The following NAA35 variants were observed in gnomAD, a reference collection of about 807,000 sequenced individuals.
The protein encoded by NAA35 is N-alpha-acetyltransferase 35, NatC auxiliary subunit.
NAA35 carries 18 observed loss-of-function variants against 101.7 expected under a neutral mutation model. The observed-to-expected ratio is 0.18, with a 90% CI of 0.12 to 0.26. The LOEUF (loss-of-function observed/expected upper bound fraction) is 0.26. NAA35 is among the 10% of genes least tolerant of loss of function. The pLI, the probability that NAA35 is intolerant of heterozygous loss-of-function variation, is 1.00. For missense variants in NAA35, 601 were observed against 886.8 expected (o/e 0.68, Z 4.09); for synonymous variants, 267 against 273.1 (o/e 0.98, Z 0.22).
chr9:85,941,612 C>T, intron 1 of NAA35: 3 of 986,264 alleles, frequency 3.0e-6, no homozygotes, highest in Non-Finnish European at 2.4e-6. Context: ...TCAGGTGTGC[C>T]TCGGCCCTAG....
chr9:85,941,525 CCTTG>C, intron 1 of NAA35: 5 of 985,726 alleles, frequency 5.1e-6, no homozygotes, highest in Non-Finnish European at 6.0e-6. Context: ...ACAGCTCTGT[CCTTG>C]CTTATGCGCC....
At chr9:85,973,878 G>GTT (rs967776331) in intron 6 of NAA35, among the ~76,000 whole-genome samples, 1 of 144,620 alleles carries the variant, frequency 6.9e-6, no homozygotes, top group African/African-American at 2.5e-5. Context: ...GATGCTCACT[G>GTT]TTTTTTTTTT....
intron 18 of NAA35, among the ~76,000 whole-genome samples, chr9:86,017,109 C>A (rs1378821695): frequency 1.3e-5 from 2 of 152,210 alleles, no homozygotes; most frequent in African/African-American, 4.8e-5. Context: ...AGGGACTGCC[C>A]TATTGATCAC....
At chr9:85,948,586 A>G (rs1407955791) in intron 2 of NAA35, among the ~76,000 whole-genome samples, 3 of 152,146 alleles carry the variant, frequency 2.0e-5, no homozygotes, top group Non-Finnish European at 4.4e-5. Flanking sequence ...GGGAGATAAA[A>G]TGTTTTGAGG....
intron 12 of NAA35, among the ~76,000 whole-genome samples, 169 bp from the exon 13 acceptor site, chr9:86,003,416 C>T (rs1831499257): frequency 6.6e-6 from 1 of 151,646 alleles, no homozygotes; most frequent in Non-Finnish European, 1.5e-5. Flanking sequence ...ATCCATTGTC[C>T]CTTTTATATA....
At chr9:85,961,192 C>T (rs1829498344) in intron 5 of NAA35, among the ~76,000 whole-genome samples, 1 of 152,168 alleles carries the variant, frequency 6.6e-6, no homozygotes, top group African/African-American at 2.4e-5. Context: ...AAATACACAC[C>T]TTAATTACAG....
intron 4 of NAA35, 108 bp from the exon 5 acceptor site, chr9:85,959,685 T>C (rs957229991): frequency 5.9e-6 from 4 of 673,954 alleles, no homozygotes; most frequent in African/African-American, 5.4e-5. Flanking sequence ...TTTCTTAGAA[T>C]TGCTGTTTTT....
chr9:86,022,095 T>A lies in NAA35; in HGVS notation c.*135T>A, dbSNP rs960971709. On this transcript the variant is annotated 3_prime_UTR_variant, in exon 23 of 23. Coordinates refer to ENST00000361671, the MANE Select transcript of NAA35 (RefSeq NM_024635.4). ...TAACAACTCATTATAAGGAATACTT[T>A]TAGTTTGACAGCCTTATATGACATG... 3.1e-6 allele frequency: 2 copies of A among 649,060 alleles called. No individual in the cohort carries two copies. The highest frequency in any genetic ancestry group is 5.2e-6 in the Non-Finnish European group (2 of 381,770). 40.2% of individuals were successfully genotyped at this position (649,060 alleles called of 1,614,324 possible).
intron 8 of NAA35, among the ~76,000 whole-genome samples, chr9:85,976,319 G>C (rs533559279): frequency 6.6e-6 from 1 of 152,234 alleles, no homozygotes; most frequent in South Asian, 2.1e-4. Context: ...TGTGATTTTT[G>C]TGAAGGTTAC....
At position 85,942,253 on chromosome 9, in the gene NAA35, A is replaced by G; in HGVS notation, c.94A>G (p.Ile32Val). 14 of 1,613,958 alleles carry G rather than the reference A, an allele frequency of 8.7e-6. No individual in the cohort carries two copies. Among genetic ancestry groups the G allele is most frequent in the Non-Finnish European group, 1.2e-5 (14 of 1,179,978 alleles). Residue 32 changes from isoleucine (I) to valine (V), a missense_variant, in exon 2 of 23, where the codon ATT becomes GTT. Ile to Val is a conservative substitution (Grantham distance 29). Around this residue, in one of 8 missense-constraint regions of NAA35, gnomAD observed 67 missense variants for 62.4 expected, o/e 1.07. Coordinates refer to ENST00000361671, the MANE Select transcript of NAA35 (RefSeq NM_024635.4). ...GAAAAGCAATACAAACTGGGTGGAC[A>G]TTACCCAAGATTTTGAAGAAGCTTG... ...MEKSNTNWVD[I>V]TQDFEEACRE...
rs1832731133 is a variant in NAA35, at chr9:86,025,154, C to T, written c.*3194C>T. 6.6e-6 allele frequency among the ~76,000 whole-genome samples: 1 copy of T among 152,142 alleles called. No homozygotes were observed. Among genetic ancestry groups the T allele is most frequent in the South Asian group, 2.1e-4 (1 of 4,824 alleles). ...AGAGGTGGGTGTTTTCCTTGTTCCT[C>T]TTTGGCTATGCTCTGGGCACTGGAA... is the stretch of plus-strand genomic sequence containing the variant. On this transcript the variant is annotated 3_prime_UTR_variant, in exon 23 of 23. Transcript: ENST00000361671.
Position 86,013,874 on chromosome 9 carries a change from G to A in NAA35, c.1545G>A (p.Met515Ile), listed in dbSNP as rs753649635. Reference protein sequence around the residue: ...LSGFELELYSMHEYYYIYWYL... With the variant: ...LSGFELELYSIHEYYYIYWYL... ...GCTTTGAATTGGAACTCTACAGTAT[G>A]CACGAGTACTATTACATATATTGGT... Residue 515 changes from methionine to isoleucine, a missense_variant, in exon 17 of 23, where the codon ATG becomes ATA. Physicochemically the swap from Met to Ile is conservative, Grantham distance 10. This residue lies in a region of NAA35 where 99 missense variants were observed against 206.7 expected (regional missense o/e 0.48). Coordinates refer to ENST00000361671, the MANE Select transcript of NAA35 (RefSeq NM_024635.4). The A allele has an allele frequency of 5.6e-6, 9 of 1,612,762 alleles. No individual in the cohort carries two copies. In the South Asian group the frequency reaches 9.9e-5, roughly 18 times the overall value.
Position 86,013,033 on chromosome 9 carries a change from A to G in NAA35, c.1291-13A>G, listed in dbSNP as rs373380797. 5 of 1,470,666 alleles carry G rather than the reference A, an allele frequency of 3.4e-6. No homozygotes were observed. The highest frequency in any genetic ancestry group is 2.3e-5 in the East Asian group (1 of 43,216). 91.1% of individuals were successfully genotyped at this position (1,470,666 alleles called of 1,614,324 possible). ...TTCATATTTACAGTTGACAAATTAT[A>G]TGTGTATTGCAGCCATTCTGTAGTC... is the stretch of plus-strand genomic sequence containing the variant. On this transcript the variant is annotated splice_polypyrimidine_tract_variant and intron_variant, in intron 15 of 22. Coordinates refer to ENST00000361671, the MANE Select transcript of NAA35 (RefSeq NM_024635.4).
Position 85,996,093 on chromosome 9 carries a change from C to T in NAA35, c.878-306C>T, listed in dbSNP as rs1445296300. Among the ~76,000 whole-genome samples the T allele has an allele frequency of 2.6e-5, 4 of 152,162 alleles. No homozygotes were observed. In the East Asian group the frequency reaches 7.7e-4, roughly 29 times the overall value. On this transcript the variant is annotated intron_variant, in intron 11 of 22. Transcript: ENST00000361671. ...ATTTCCTCTGTTTTGAAAGAATATA[C>T]TGACCCTATTTTATCCTCAGAGTTT...
chr9:86,016,396 T>TGTAAGATCTAATCTA, intron 17 of NAA35, 143 bp from the exon 18 acceptor site: 1 of 650,118 alleles, frequency 1.5e-6, no homozygotes, highest in East Asian at 3.0e-5. Flanking sequence ...GTTCATTTCT[T>TGTAAGATCTAATCTA]GTAAGATCTA....
At chr9:86,006,618 A>G (rs74878407) in intron 13 of NAA35, among the ~76,000 whole-genome samples, 1 of 152,338 alleles carries the variant, frequency 6.6e-6, no homozygotes, top group African/African-American at 2.4e-5. Context: ...AGAGCAGATC[A>G]GTGCTTGCCA....
chr9:86,008,813 T>C (rs1011396149), intron 14 of NAA35, among the ~76,000 whole-genome samples: 8 of 152,128 alleles, frequency 5.3e-5, no homozygotes, highest in Non-Finnish European at 1.2e-4. Context: ...GTTGATGAGT[T>C]TCTCTTTATT....
At chr9:85,941,430 C>T in intron 1 of NAA35, 157 bp downstream of exon 1, 1 of 985,380 alleles carries the variant, frequency 1.0e-6, no homozygotes, top group Non-Finnish European at 1.2e-6. Flanking sequence ...CTCCCCAGTG[C>T]CCGCTGTCGG....
intron 6 of NAA35, among the ~76,000 whole-genome samples, chr9:85,963,995 C>T (rs1265391967): frequency 6.6e-6 from 1 of 152,126 alleles, no homozygotes; most frequent in Non-Finnish European, 1.5e-5. Context: ...ACTGAAATGT[C>T]ATGTTTTTAG....
Sources: gnomAD v4.1 joint callset for allele counts (sites outside exome capture counted in the v4.1 genomes callset) on GRCh38, gnomAD v4.1.1 for gene constraint, gnomAD v4.1.1 regional missense constraint, MANE v1.5 for transcripts, NCBI Gene and HGNC (gene_info 2026-07-23, HGNC 2026-07-21) for gene names.